Variants in GYPC observed in about 807,000 individuals in gnomAD.
GYPC encodes glycophorin C (Gerbich blood group).
A neutral mutation model predicts 12.6 loss-of-function variants in GYPC; 14 were observed. The ratio of observed to expected loss-of-function variants is 1.11; its 90% CI spans 0.74 to 1.74. GYPC has a LOEUF of 1.74. GYPC is among the 40% of genes most tolerant of loss of function. GYPC has a pLI of 0.00. For synonymous variants in GYPC, 78 were observed against 62.1 expected (o/e 1.26, Z -1.20); for missense variants, 225 against 172.1 (o/e 1.31, Z -1.72).
At chr2:126,693,153 C>A (rs562693935) in intron 2 of GYPC, among the ~76,000 whole-genome samples, 2 of 152,354 alleles carry the variant, frequency 1.3e-5, no homozygotes, top group East Asian at 3.9e-4. Context: ...GGGGCAGATC[C>A]CTCATGCATA....
intron 1 of GYPC, chr2:126,686,346 T>G: frequency 1.0e-6 from 1 of 985,778 alleles, no homozygotes; most frequent in Non-Finnish European, 1.2e-6. Flanking sequence ...TGCAGGGTTG[T>G]GCCTGTGTGC....
intron 1 of GYPC, chr2:126,658,023 C>G (rs936675808): frequency 3.9e-5 from 6 of 152,472 alleles, no homozygotes; most frequent in African/African-American, 1.4e-4. Flanking sequence ...CCGGCCTGCT[C>G]TGCTCAGCTC....
At chr2:126,661,442 C>T (rs1248413115) in intron 1 of GYPC, among the ~76,000 whole-genome samples, 1 of 151,224 alleles carries the variant, frequency 6.6e-6, no homozygotes, top group Non-Finnish European at 1.5e-5. Context: ...CCAGATGCCC[C>T]TTCTCTCTCT....
chr2:126,692,655 G>T (rs1404654531), intron 2 of GYPC, among the ~76,000 whole-genome samples: 2 of 152,128 alleles, frequency 1.3e-5, no homozygotes, highest in African/African-American at 4.8e-5. Context: ...AAACATCCCG[G>T]TCCCCAATGT....
intron 1 of GYPC, among the ~76,000 whole-genome samples, chr2:126,668,354 A>G (rs1259118584): frequency 1.3e-5 from 2 of 152,162 alleles, no homozygotes; most frequent in Non-Finnish European, 2.9e-5. Context: ...CTCCCGAGAC[A>G]AGTTTGAGAT....
At chr2:126,674,462 GGA>G (rs1248955791) in intron 1 of GYPC, among the ~76,000 whole-genome samples, 3 of 64,570 alleles carry the variant, frequency 4.6e-5, no homozygotes, top group African/African-American at 1.8e-4. Flanking sequence ...AAGTGGGGGG[GGA>G]ATACAGGCTC....
Position 126,663,950 on chromosome 2 carries a change from G to GTCTCTCTCTC in GYPC, c.49+7680_49+7689dup, listed in dbSNP as rs61649506. ...GGAGCTGGGTCTCTCTAAGGTTCTGGTCTCTCTCTCTCTCTCTCTCTCTCT... is the reference window on the plus strand; with the variant it reads ...GGAGCTGGGTCTCTCTAAGGTTCTGGTCTCTCTCTCTCTCTCTCTCTCTCTCTCTCTCTCT... On this transcript the variant is annotated intron_variant, in intron 1 of 3. Coordinates refer to ENST00000259254, the MANE Select transcript of GYPC (RefSeq NM_002101.5). Among the ~76,000 whole-genome samples the GTCTCTCTCTC allele has an allele frequency of 1.9e-3, 243 of 129,890 alleles. 2 individuals are homozygous for GTCTCTCTCTC. Among genetic ancestry groups the GTCTCTCTCTC allele is most frequent in the African/African-American group, 4.2e-3 (135 of 32,116 alleles). 85.2% of individuals were successfully genotyped at this position (129,890 alleles called of 152,430 possible).
chr2:126,674,152 A>C (rs188179539), intron 1 of GYPC, among the ~76,000 whole-genome samples: 2 of 152,352 alleles, frequency 1.3e-5, no homozygotes, highest in Admixed American at 6.5e-5. Flanking sequence ...TTATTCAAGC[A>C]GATGGAAATG....
At chr2:126,689,500 G>C (rs1307006619) in intron 1 of GYPC, among the ~76,000 whole-genome samples, 2 of 151,300 alleles carry the variant, frequency 1.3e-5, no homozygotes, top group Non-Finnish European at 2.9e-5. Flanking sequence ...AGTGATGGGA[G>C]GTGGGACCTA....
intron 1 of GYPC, chr2:126,686,275 G>A (rs777551554): frequency 2.9e-4 from 286 of 985,604 alleles, no homozygotes; most frequent in Non-Finnish European, 3.3e-4. Context: ...TTGCAACTGA[G>A]GTTCTGCACC....
At chr2:126,679,977 T>G (rs1421580809) in intron 1 of GYPC, 1 of 152,168 alleles carries the variant, frequency 6.6e-6, no homozygotes, top group Non-Finnish European at 1.5e-5. Flanking sequence ...TGTGGCCTGT[T>G]TTTGTACAGT....
At chr2:126,676,427 C>T (rs1455923480) in intron 1 of GYPC, among the ~76,000 whole-genome samples, 1 of 152,212 alleles carries the variant, frequency 6.6e-6, no homozygotes, top group African/African-American at 2.4e-5. Context: ...CCAACTTCAA[C>T]CACATCAACT....
chr2:126,665,005 C>T (rs1682641376), intron 1 of GYPC, among the ~76,000 whole-genome samples: 1 of 152,156 alleles, frequency 6.6e-6, no homozygotes, highest in Admixed American at 6.5e-5. Flanking sequence ...CTGTCTCTAT[C>T]TTTCTCTTAC....
intron 1 of GYPC, chr2:126,685,723 C>T: frequency 1.1e-6 from 1 of 942,754 alleles, no homozygotes; most frequent in Non-Finnish European, 1.3e-6. Flanking sequence ...AGGTTCCTCG[C>T]AATTGAACAC....
intron 1 of GYPC, chr2:126,685,709 T>G: frequency 3.4e-6 from 3 of 871,414 alleles, no homozygotes; most frequent in Non-Finnish European, 4.1e-6. Context: ...CTAACCAGGC[T>G]TGTAGGTTCC....
rs28387218 is a variant in GYPC at position 126,693,874 on chromosome 2, A to G, written c.117A>G (p.Pro39=). The stretch of plus-strand genomic sequence containing the variant: ...GTCCTCTGTTCACAGAGCCTGATCC[A>G]GGGATGTCTGGATGGCCGGATGGCA... ...MHTTTIAEPD[P]GMSGWPDGRM... The change falls in exon 3 of 4, where the codon CCA becomes CCG. Residue 39 remains proline, a synonymous_variant. Coordinates refer to ENST00000259254, the MANE Select transcript of GYPC (RefSeq NM_002101.5). The G allele has an allele frequency of 8.7e-6, 14 of 1,608,914 alleles. No homozygotes were observed. The highest frequency in any genetic ancestry group is 1.7e-5 in the Admixed American group (1 of 59,968).
chr2:126,668,936 G>A (rs556373523), intron 1 of GYPC, among the ~76,000 whole-genome samples: 92 of 152,286 alleles, frequency 6.0e-4, no homozygotes, highest in Middle Eastern at 6.8e-3. Flanking sequence ...TTCAGGTTTC[G>A]GATCGAATTG....
At chr2:126,670,800 C>T (rs1021055833) in intron 1 of GYPC, among the ~76,000 whole-genome samples, 10 of 152,172 alleles carry the variant, frequency 6.6e-5, no homozygotes, top group Non-Finnish European at 1.3e-4. Context: ...ACTGCCAAAT[C>T]CAGCTGCCCC....
At chr2:126,674,444 TG>T (rs1198906183) in intron 1 of GYPC, among the ~76,000 whole-genome samples, 3 of 81,598 alleles carry the variant, frequency 3.7e-5, no homozygotes, top group Non-Finnish European at 7.8e-5. Flanking sequence ...AAGGACCTGA[TG>T]GGAAACAAGT....
Sources: gnomAD v4.1 joint callset for allele counts (sites outside exome capture counted in the v4.1 genomes callset) on GRCh38, gnomAD v4.1.1 for gene constraint, MANE v1.5 for transcripts, NCBI Gene and HGNC (gene_info 2026-07-23, HGNC 2026-07-21) for gene names.